Variants in ROBO2 observed in about 807,000 individuals in gnomAD.
The protein encoded by ROBO2 is roundabout homolog 2.
A neutral mutation model predicts 160.8 loss-of-function variants in ROBO2; 53 were observed. The observed-to-expected ratio is 0.33, with a 90% confidence interval of 0.26 to 0.41. The LOEUF (loss-of-function observed/expected upper bound fraction) is 0.41. Ranked by LOEUF, ROBO2 falls within the 10% of genes least tolerant of loss-of-function variation. The probability of loss-of-function intolerance (pLI) is 1.00; values close to 1 mark genes in which losing one functional copy is unlikely to be tolerated. For missense variants in ROBO2, 1,577 were observed against 1,722.4 expected, an observed-to-expected ratio of 0.92 and a Z score of 1.49; for synonymous variants, 664 against 611.7, an observed-to-expected ratio of 1.09 and a Z score of -1.26.
At chr3:76,463,510 G>A (rs1395766691) in intron 2 of ROBO2, among the ~76,000 whole-genome samples, 7 of 151,928 alleles carry the variant, frequency 4.6e-5, no homozygotes, top group Admixed American at 1.3e-4. Context: ...CTGGTCCCCC[G>A]GGTCTCACTT....
intron 2 of ROBO2, among the ~76,000 whole-genome samples, chr3:76,049,383 G>GTGTGTAAATATATATATATA (rs1440395230): frequency 2.7e-5 from 1 of 36,812 alleles, no homozygotes; most frequent in African/African-American, 1.1e-4. Flanking sequence ...GCTAATTTTA[G>GTGTGTAAATATATATATATA]TATATATATA....
At chr3:76,647,542 A>T (rs1197280560) in intron 2 of ROBO2, among the ~76,000 whole-genome samples, 1 of 152,226 alleles carries the variant, frequency 6.6e-6, no homozygotes, top group Non-Finnish European at 1.5e-5. Flanking sequence ...AAAATCTTTT[A>T]AAAATCCCAA....
chr3:76,523,986 ATG>A (rs67480680), intron 2 of ROBO2, among the ~76,000 whole-genome samples: 1,845 of 149,220 alleles, frequency 0.012, 16 homozygotes, highest in Non-Finnish European at 0.017. Flanking sequence ...GTGTGTGTGT[ATG>A]TGTGTGTGTG....
intron 2 of ROBO2, among the ~76,000 whole-genome samples, chr3:76,929,976 C>A (rs1056925906): frequency 1.3e-5 from 2 of 152,172 alleles, no homozygotes; most frequent in Non-Finnish European, 2.9e-5. Flanking sequence ...GTTCTTTATA[C>A]ATGTCACACT....
chr3:77,551,579 T>A (rs2092922865), intron 8 of ROBO2, among the ~76,000 whole-genome samples: 1 of 152,058 alleles, frequency 6.6e-6, no homozygotes, highest in African/African-American at 2.4e-5. Context: ...CTCTGCGTAA[T>A]CTGGTTTTTT....
chr3:76,655,814 G>C (rs113873814), intron 2 of ROBO2, among the ~76,000 whole-genome samples: 268 of 151,128 alleles, frequency 1.8e-3, no homozygotes, highest in Non-Finnish European at 2.9e-3. Flanking sequence ...CCAGTTTTTG[G>C]AATACATCAT....
chr3:76,208,948 A>C (rs1481114847), intron 2 of ROBO2, among the ~76,000 whole-genome samples: 1 of 152,106 alleles, frequency 6.6e-6, no homozygotes, highest in Non-Finnish European at 1.5e-5. Flanking sequence ...GTCGTTTTGC[A>C]TGTACCTGCT....
intron 2 of ROBO2, among the ~76,000 whole-genome samples, chr3:76,268,477 G>T (rs1199521476): frequency 6.6e-6 from 1 of 152,010 alleles, no homozygotes; most frequent in Non-Finnish European, 1.5e-5. Flanking sequence ...TTCTTGTGAG[G>T]CCTCTCCTTC....
At chr3:76,644,336 TAAAC>T (rs2090858169) in intron 2 of ROBO2, among the ~76,000 whole-genome samples, 1 of 152,034 alleles carries the variant, frequency 6.6e-6, no homozygotes, top group African/African-American at 2.4e-5. Context: ...AAAAAGCCTA[TAAAC>T]AAACAAAAAT....
intron 2 of ROBO2, among the ~76,000 whole-genome samples, chr3:77,267,517 T>C (rs1239636706): frequency 6.6e-6 from 1 of 152,182 alleles, no homozygotes; most frequent in Non-Finnish European, 1.5e-5. Flanking sequence ...GACAAATGTA[T>C]ATTTGAAAGA....
At chr3:75,907,852 C>CGTGTGTGT (rs56058203) in intron 1 of ROBO2, among the ~76,000 whole-genome samples, 7,519 of 148,582 alleles carry the variant, frequency 0.051, 232 homozygotes, top group South Asian at 0.12. Context: ...TAATCGTGTG[C>CGTGTGTGT]GTGTGTGTGT....
At chr3:77,574,288 C>T (rs1263003670) in intron 13 of ROBO2, among the ~76,000 whole-genome samples, 2 of 151,896 alleles carry the variant, frequency 1.3e-5, no homozygotes, top group Non-Finnish European at 2.9e-5. Flanking sequence ...AGAGAGTTCT[C>T]CCAATCTTCA....
chr3:76,778,211 TA>T (rs2062404864), intron 2 of ROBO2, among the ~76,000 whole-genome samples: 1 of 151,056 alleles, frequency 6.6e-6, no homozygotes, highest in Non-Finnish European at 1.5e-5. Flanking sequence ...GTGTATCAGA[TA>T]GAGAAAAAGG....
intron 2 of ROBO2, among the ~76,000 whole-genome samples, chr3:76,218,600 T>C (rs921611697): frequency 2.0e-5 from 3 of 152,100 alleles, no homozygotes; most frequent in African/African-American, 7.2e-5. Flanking sequence ...GGAATCCAAC[T>C]TACAAGGGAT....
intron 1 of ROBO2, among the ~76,000 whole-genome samples, chr3:75,936,866 G>A (rs1367410232): frequency 3.3e-5 from 5 of 151,862 alleles, no homozygotes; most frequent in East Asian, 1.9e-4. Flanking sequence ...GAAAGTTCCT[G>A]TGGGTTATAT....
At chr3:76,679,698 A>C (rs1260417810) in intron 2 of ROBO2, among the ~76,000 whole-genome samples, 2 of 152,192 alleles carry the variant, frequency 1.3e-5, no homozygotes, top group African/African-American at 4.8e-5. Context: ...GGAGTCATTG[A>C]AATAGAGATT....
At chr3:76,848,581 T>C (rs1055874934) in intron 2 of ROBO2, among the ~76,000 whole-genome samples, 2 of 152,180 alleles carry the variant, frequency 1.3e-5, no homozygotes, top group African/African-American at 2.4e-5. Flanking sequence ...AGTTTATAAT[T>C]AACATAAAGT....
intron 2 of ROBO2, among the ~76,000 whole-genome samples, chr3:76,272,770 T>TTATATAAAATATATAAAATA (rs1707541054): frequency 8.0e-5 from 2 of 25,120 alleles, no homozygotes; most frequent in Non-Finnish European, 1.7e-4. Context: ...TAATATATAT[T>TTATATAAAATATATAAAATA]TATATATAAA....
At chr3:77,019,703 A>G (rs373651586) in intron 2 of ROBO2, among the ~76,000 whole-genome samples, 2 of 152,236 alleles carry the variant, frequency 1.3e-5, no homozygotes, top group African/African-American at 4.8e-5. Flanking sequence ...TATCACTTTT[A>G]GTTTAAATAA....
Sources: gnomAD v4.1 joint callset for allele counts (sites outside exome capture counted in the v4.1 genomes callset) on GRCh38, gnomAD v4.1.1 for gene constraint, MANE v1.5 for transcripts, NCBI Gene and HGNC (gene_info 2026-07-23, HGNC 2026-07-21) for gene names.